The following KCNQ5 variants were observed in gnomAD, a reference collection of about 807,000 sequenced individuals.
KCNQ5 encodes potassium voltage-gated channel subfamily Q member 5.
In KCNQ5, 30 loss-of-function variants were observed where a neutral mutation model predicts 98.2. That is an observed-to-expected ratio of 0.31 (90% CI 0.23 to 0.41). The LOEUF is 0.41. KCNQ5 is among the 10% of genes least tolerant of loss of function. The pLI is 1.00. For synonymous variants in KCNQ5, 458 were observed against 449.4 expected (o/e 1.02, Z -0.24); for missense variants, 835 against 1,182.5 (o/e 0.71, Z 4.31).
chr6:72,993,971 C>T lies in KCNQ5; in HGVS notation c.399-9937C>T, dbSNP rs1225480063. 6.8e-4 allele frequency among the ~76,000 whole-genome samples: 61 copies of T among 90,160 alleles called. No homozygotes were observed. In the South Asian group the frequency reaches 7.9e-3, roughly 12 times the overall value. The allele number at this position is 90,160 out of a possible 152,430, so 59.1% of individuals were successfully genotyped here. ...GGGGGTTCCTCCCAGTTAGGCTGCT[C>T]GGGGGTCAGGGGTCAGGGACCCACT... On this transcript the variant is annotated intron_variant, in intron 1 of 13. Transcript: ENST00000370398.
chr6:72,978,186 C>T (rs574417786), intron 1 of KCNQ5, among the ~76,000 whole-genome samples: 89 of 152,242 alleles, frequency 5.8e-4, no homozygotes, highest in Non-Finnish European at 4.1e-4. Flanking sequence ...ATATAACAGT[C>T]GAAAAGGCTG....
chr6:72,777,180 G>A (rs922148584), intron 1 of KCNQ5, among the ~76,000 whole-genome samples: 1 of 152,188 alleles, frequency 6.6e-6, no homozygotes, highest in Non-Finnish European at 1.5e-5. Context: ...GTAAGAAATA[G>A]AAAGTTATTG....
intron 1 of KCNQ5, among the ~76,000 whole-genome samples, chr6:72,776,362 T>C (rs963935357): frequency 2.6e-5 from 4 of 152,238 alleles, no homozygotes; most frequent in Non-Finnish European, 5.9e-5. Flanking sequence ...TGTGAATTAC[T>C]TCTGTTTACT....
chr6:72,827,337 C>A (rs986685853), intron 1 of KCNQ5, among the ~76,000 whole-genome samples: 22 of 152,012 alleles, frequency 1.4e-4, no homozygotes, highest in Non-Finnish European at 3.2e-4. Context: ...TTTATGTTCC[C>A]AACAAGAGGT....
intron 1 of KCNQ5, among the ~76,000 whole-genome samples, chr6:72,966,308 C>A (rs1337901080): frequency 6.6e-6 from 1 of 151,748 alleles, no homozygotes; most frequent in Non-Finnish European, 1.5e-5. Flanking sequence ...CCTGTAATCC[C>A]AGAACTTTGG....
At chr6:73,194,381 C>A in intron 13 of KCNQ5, 71 bp from the exon 14 acceptor site, 1 of 1,418,802 alleles carries the variant, frequency 7.0e-7, no homozygotes, top group South Asian at 1.4e-5. Flanking sequence ...CTTCATTTTT[C>A]AAAATTAAAA....
At chr6:72,861,736 A>G (rs1344417835) in intron 1 of KCNQ5, among the ~76,000 whole-genome samples, 2 of 152,142 alleles carry the variant, frequency 1.3e-5, no homozygotes, top group Non-Finnish European at 2.9e-5. Context: ...AAGGCTCCCA[A>G]AATGATATAT....
At chr6:72,710,011 G>A (rs58442660) in intron 1 of KCNQ5, among the ~76,000 whole-genome samples, 21,953 of 152,004 alleles carry the variant, frequency 0.14, 1,685 homozygotes, top group East Asian at 0.22. Flanking sequence ...AAAATTTGAG[G>A]GGTTGAAATA....
chr6:73,083,018 G>A (rs917994193), intron 5 of KCNQ5, among the ~76,000 whole-genome samples: 1 of 151,064 alleles, frequency 6.6e-6, no homozygotes, highest in Non-Finnish European at 1.5e-5. Flanking sequence ...AGCCTCCTGA[G>A]TAGCTGGGAC....
rs890856969 is a variant in KCNQ5, at chr6:73,081,830, T to TA, written c.918+3953dup. Among the ~76,000 whole-genome samples, 86 of 150,584 alleles carry TA rather than the reference T, an allele frequency of 5.7e-4. 1 individual carries two copies. Among genetic ancestry groups the TA allele is most frequent in the African/African-American group, 1.4e-3 (58 of 41,132 alleles). On this transcript the variant is annotated intron_variant, in intron 5 of 13. Coordinates refer to ENST00000370398, the MANE Select transcript of KCNQ5 (RefSeq NM_019842.4). The stretch of plus-strand genomic sequence containing the variant: ...TGACCATAGCCTCAGCCATCTCATT[T>TA]AAAAAAAAAATCAAGAAAAGTCTGG...
chr6:73,073,172 A>G (rs1287124631), intron 3 of KCNQ5, among the ~76,000 whole-genome samples: 2 of 152,030 alleles, frequency 1.3e-5, no homozygotes, highest in African/African-American at 4.8e-5. Context: ...GTATACCATA[A>G]TTCTTAAGGA....
At chr6:72,890,142 A>C (rs1779002679) in intron 1 of KCNQ5, among the ~76,000 whole-genome samples, 1 of 152,250 alleles carries the variant, frequency 6.6e-6, no homozygotes, top group Non-Finnish European at 1.5e-5. Flanking sequence ...TGATATATTT[A>C]AAATTGCATA....
At chr6:73,171,576 A>G (rs965880452) in intron 11 of KCNQ5, among the ~76,000 whole-genome samples, 7 of 152,354 alleles carry the variant, frequency 4.6e-5, no homozygotes, top group African/African-American at 1.2e-4. Flanking sequence ...ATTAATTAAA[A>G]TGAAATACAT....
intron 1 of KCNQ5, among the ~76,000 whole-genome samples, chr6:72,897,674 A>C (rs1264231618): frequency 6.6e-6 from 1 of 152,218 alleles, no homozygotes; most frequent in East Asian, 1.9e-4. Flanking sequence ...GAACCAAGAG[A>C]AGAAATAGCG....
chr6:72,780,663 A>AG (rs1336160751), intron 1 of KCNQ5, among the ~76,000 whole-genome samples: 1 of 152,220 alleles, frequency 6.6e-6, no homozygotes, highest in African/African-American at 2.4e-5. Flanking sequence ...ATATGAGATC[A>AG]GATAATAAGG....
chr6:72,754,956 T>C (rs1771889346), intron 1 of KCNQ5, among the ~76,000 whole-genome samples: 1 of 152,108 alleles, frequency 6.6e-6, no homozygotes, highest in African/African-American at 2.4e-5. Context: ...CTCTCAGTTT[T>C]TTACTTTTTA....
rs74295568 is a variant in KCNQ5, at chr6:72,663,798, T to G, written c.398+41211T>G. On this transcript the variant is annotated intron_variant, in intron 1 of 13. Coordinates refer to ENST00000370398, the MANE Select transcript of KCNQ5 (RefSeq NM_019842.4). The stretch of plus-strand genomic sequence containing the variant: ...ATTTTATGGTGTGAAACACAAAATA[T>G]ATTCTTTAAAAAAAAAAGTACTTCT... Among the ~76,000 whole-genome samples the G allele has an allele frequency of 2.6e-5, 4 of 152,306 alleles. No homozygotes were observed. The East Asian group carries it at 7.7e-4, about 29-fold the overall frequency.
intron 10 of KCNQ5, among the ~76,000 whole-genome samples, chr6:73,157,207 G>A (rs1352745229): frequency 6.6e-6 from 1 of 152,256 alleles, no homozygotes; most frequent in Non-Finnish European, 1.5e-5. Context: ...AGCAAAGTTG[G>A]GTGGGAGGTC....
intron 1 of KCNQ5, among the ~76,000 whole-genome samples, chr6:72,808,681 C>T (rs1309601691): frequency 1.3e-5 from 2 of 152,122 alleles, no homozygotes; most frequent in East Asian, 3.9e-4. Context: ...GGCGCGGTGG[C>T]TCATGCCTAT....
Sources: gnomAD v4.1 joint callset for allele counts (sites outside exome capture counted in the v4.1 genomes callset) on GRCh38, gnomAD v4.1.1 for gene constraint, MANE v1.5 for transcripts, NCBI Gene and HGNC (gene_info 2026-07-23, HGNC 2026-07-21) for gene names.